XRRA1: variants seen among roughly 807,000 people sequenced by gnomAD.
XRRA1 encodes X-ray radiation resistance associated 1, also known as X-ray radiation resistance-associated protein 1.
A neutral mutation model predicts 80.2 loss-of-function variants in XRRA1; 69 were observed. The observed-to-expected ratio is 0.86, with a 90% confidence interval of 0.71 to 1.05. The LOEUF is 1.05. Among genes scored for constraint, XRRA1 ranks in the 50% least tolerant of loss-of-function variants. The pLI, the probability that XRRA1 is intolerant of heterozygous loss-of-function variation, is 0.00. For missense variants in XRRA1, 967 were observed against 976.4 expected, an observed-to-expected ratio of 0.99 and a Z score of 0.13; for synonymous variants, 348 against 389.9, an observed-to-expected ratio of 0.89 and a Z score of 1.27.
chr11:74,895,277 G>A (rs923655553), intron 10 of XRRA1, among the ~76,000 whole-genome samples: 7 of 152,184 alleles, frequency 4.6e-5, no homozygotes, highest in African/African-American at 1.4e-4. Flanking sequence ...CACAGCAACC[G>A]AGGGACCTTA....
intron 10 of XRRA1, among the ~76,000 whole-genome samples, chr11:74,905,452 C>T (rs995042819): frequency 1.4e-4 from 22 of 152,090 alleles, no homozygotes; most frequent in African/African-American, 5.3e-4. Flanking sequence ...CTGCTTTGAC[C>T]GCTGGTTTCC....
chr11:74,935,982 AC>A (rs1440012245), intron 4 of XRRA1, among the ~76,000 whole-genome samples: 2 of 152,198 alleles, frequency 1.3e-5, no homozygotes, highest in African/African-American at 4.8e-5. Context: ...TAATAATGAA[AC>A]TGATTCCACA....
chr11:74,876,191 C>T (rs956905696), intron 10 of XRRA1: 3 of 152,202 alleles, frequency 2.0e-5, no homozygotes, highest in African/African-American at 7.2e-5. Flanking sequence ...AGGCACTAGG[C>T]ATACAGTATC....
In XRRA1 at chr11:74,851,188, A is replaced by G. The variant is rs1591560846; in HGVS notation, c.1280T>C (p.Leu427Pro). ...CAGTCGCTCCTGGAGGAAGCTCTTC[A>G]GCAGTGGAGGGACCCCTGGTGCCAT... ...VAHTRGVPPL[L>P]KSFLQERLGI... Residue 427 changes from leucine (L) to proline (P), a missense_variant, in exon 14 of 19, where the codon CTG (leucine) becomes CCG (proline). By Grantham distance (98) the Leu-to-Pro change is moderately conservative (BLOSUM62 -3). Coordinates refer to ENST00000684022, the MANE Select transcript of XRRA1 (RefSeq NM_001378157.1). 1 of 1,611,128 alleles carries G rather than the reference A, an allele frequency of 6.2e-7. No individual in the cohort carries two copies. The highest frequency in any genetic ancestry group is 8.5e-7 in the Non-Finnish European group (1 of 1,178,696).
chr11:74,851,218 G>A lies in XRRA1; in HGVS notation c.1265-15C>T, dbSNP rs2039749419. ...TGGAGGGACCCCTGGTGCCATGATG[G>A]GAAAATAAGATTACTATTAGCTAAA... On this transcript the variant is annotated splice_polypyrimidine_tract_variant and intron_variant, in intron 13 of 18. Transcript: ENST00000684022. 1.3e-6 allele frequency: 2 copies of A among 1,587,430 alleles called. No homozygotes were observed. The highest frequency in any genetic ancestry group is 1.8e-5 in the Admixed American group (1 of 55,480).
chr11:74,869,122 T>A (rs4944962), intron 10 of XRRA1, among the ~76,000 whole-genome samples: 123,861 of 151,278 alleles, frequency 0.82, 50,928 homozygotes, highest in African/African-American at 0.89. Flanking sequence ...AGTACAATTT[T>A]AAAAAAAAAT....
intron 12 of XRRA1, among the ~76,000 whole-genome samples, chr11:74,854,745 C>T (rs528007686): frequency 3.3e-5 from 5 of 152,176 alleles, no homozygotes; most frequent in South Asian, 2.1e-4. Context: ...TCTGGCTGGG[C>T]GCGGTGGCTC....
At chr11:74,851,882 C>T (rs907925270) in intron 13 of XRRA1, 107 bp downstream of exon 13, 22 of 954,768 alleles carry the variant, frequency 2.3e-5, no homozygotes, top group African/African-American at 1.1e-4. Context: ...TTGTCCACCC[C>T]GACACAGAGT....
chr11:74,850,847 C>T (rs1396266822), intron 14 of XRRA1: 1 of 245,908 alleles, frequency 4.1e-6, no homozygotes, highest in East Asian at 9.5e-5. Flanking sequence ...TAGCCATTCT[C>T]AATTACTGTA....
At chr11:74,939,341 G>A (rs1945803893) in intron 3 of XRRA1, among the ~76,000 whole-genome samples, 1 of 152,024 alleles carries the variant, frequency 6.6e-6, no homozygotes, top group Admixed American at 6.6e-5. Context: ...AACAGAGAGA[G>A]ACTCCATCTC....
At position 74,921,238 on chromosome 11, in the gene XRRA1, G is replaced by A. The variant is rs371595882; in HGVS notation, c.632C>T (p.Pro211Leu). ...LLTGNGLTSLPPNLAVAEQEA... is the reference protein window; with the variant it reads ...LLTGNGLTSLLPNLAVAEQEA... ...CTGTTCTGCGACGGCCAAATTGGGC[G>A]GCAGGGAGGTAAGGCCATTGCCTGT... Residue 211 changes from proline to leucine, a missense_variant, in exon 8 of 19, where the codon CCG becomes CTG. Transcript: ENST00000684022. 4.6e-5 allele frequency: 74 copies of A among 1,613,792 alleles called. No homozygotes were observed. The East Asian group carries it at 4.7e-4, about 10-fold the overall frequency.
chr11:74,903,571 C>T (rs890258419), intron 10 of XRRA1, among the ~76,000 whole-genome samples: 13 of 152,106 alleles, frequency 8.5e-5, no homozygotes, highest in Non-Finnish European at 1.5e-4. Flanking sequence ...GGCATGGTGG[C>T]GGGCGCTTGT....
intron 7 of XRRA1, among the ~76,000 whole-genome samples, chr11:74,923,493 G>GAACA (rs1941441103): frequency 6.6e-6 from 1 of 152,186 alleles, no homozygotes; most frequent in Non-Finnish European, 1.5e-5. Flanking sequence ...ACTCATGTGT[G>GAACA]AACAGTCAGC....
intron 6 of XRRA1, among the ~76,000 whole-genome samples, chr11:74,929,770 A>G (rs1231195149): frequency 6.6e-6 from 1 of 152,134 alleles, no homozygotes; most frequent in Non-Finnish European, 1.5e-5. Flanking sequence ...ATATGCTTGC[A>G]TAGTATTTCC....
chr11:74,923,711 C>T (rs1421781094), intron 7 of XRRA1, among the ~76,000 whole-genome samples: 3 of 152,220 alleles, frequency 2.0e-5, no homozygotes, highest in African/African-American at 7.2e-5. Context: ...TGCTACCCCT[C>T]CAGGTTCACA....
intron 10 of XRRA1, among the ~76,000 whole-genome samples, chr11:74,891,848 C>T (rs867641455): frequency 1.3e-5 from 2 of 152,050 alleles, no homozygotes; most frequent in East Asian, 1.9e-4. Flanking sequence ...AACTTACAAG[C>T]AATGTGAAGG....
At chr11:74,886,567 G>T (rs534397314) in intron 10 of XRRA1, among the ~76,000 whole-genome samples, 40 of 151,718 alleles carry the variant, frequency 2.6e-4, no homozygotes, top group African/African-American at 9.2e-4. Context: ...AATCAGAAAT[G>T]ACACAAACAA....
At chr11:74,927,354 C>T (rs1942506148) in intron 7 of XRRA1, 37 bp downstream of exon 7, 1 of 1,248,462 alleles carries the variant, frequency 8.0e-7, no homozygotes, top group African/African-American at 1.5e-5. Context: ...TACAGGGGAA[C>T]TTGGTGGGCA....
Position 74,863,099 on chromosome 11 carries a change from C to T in XRRA1, c.1004-78G>A, listed in dbSNP as rs575753116. On this transcript the variant is annotated intron_variant, in intron 10 of 18. Coordinates refer to ENST00000684022, the MANE Select transcript of XRRA1 (RefSeq NM_001378157.1). ...TAGAGCACCCAGGATATAGGTCTGC[C>T]ATCCACTGTGTGCAGCAGGGCACCT... 6.0e-5 allele frequency: 82 copies of T among 1,369,118 alleles called. No individual in the cohort carries two copies. In the African/African-American group the frequency reaches 1.1e-3, roughly 18 times the overall value. 84.8% of individuals were successfully genotyped at this position (1,369,118 alleles called of 1,614,324 possible). A position where few individuals can be genotyped will look rare whatever the true frequency, so the allele number is the denominator to read the frequency against.
Sources: gnomAD v4.1 joint callset for allele counts (sites outside exome capture counted in the v4.1 genomes callset) on GRCh38, gnomAD v4.1.1 for gene constraint, MANE v1.5 for transcripts, NCBI Gene and HGNC (gene_info 2026-07-23, HGNC 2026-07-21) for gene names.